The following HTT variants were observed in gnomAD, a reference collection of about 807,000 sequenced individuals.
The protein encoded by HTT is huntington disease protein.
A neutral mutation model predicts 362.3 loss-of-function variants in HTT; 104 were observed. The ratio of observed to expected loss-of-function variants is 0.29; its 90% CI spans 0.24 to 0.34. The LOEUF (loss-of-function observed/expected upper bound fraction) is 0.34. Ranked by LOEUF, HTT falls within the 10% of genes least tolerant of loss-of-function variation. The pLI is 1.00. For synonymous variants in HTT, 1,577 were observed against 1,548.7 expected (o/e 1.02, Z -0.43); for missense variants, 3,301 against 3,928.6 (o/e 0.84, Z 4.27).
chr4:3,228,108 T>C lies in HTT; in HGVS notation c.7849-507T>C, dbSNP rs1371842508. Among the ~76,000 whole-genome samples, 6 of 152,134 alleles carry C rather than the reference T, an allele frequency of 3.9e-5. No individual in the cohort carries two copies. The highest frequency in any genetic ancestry group is 1.3e-4 in the Admixed American group (2 of 15,284). On this transcript the variant is annotated intron_variant, in intron 57 of 66. Coordinates refer to ENST00000355072, the MANE Select transcript of HTT (RefSeq NM_001388492.1). The surrounding 1 kb of genome is among the most constrained non-coding windows in gnomAD (Gnocchi z 4.3). ...ACACAGCCCACAGCACTGTGCCAAG[T>C]GCTCGAGGCTTCCCGAGAACCAGGC...
intron 26 of HTT, among the ~76,000 whole-genome samples, chr4:3,153,166 C>A (rs1198823898): frequency 6.6e-6 from 1 of 152,086 alleles, no homozygotes; most frequent in Non-Finnish European, 1.5e-5. Context: ...GCCTTGCCCT[C>A]ATGTGGTGAG....
At chr4:3,151,827 G>A (rs1314477610) in intron 26 of HTT, among the ~76,000 whole-genome samples, 1 of 152,154 alleles carries the variant, frequency 6.6e-6, no homozygotes, top group African/African-American at 2.4e-5. Context: ...ATGTACATAT[G>A]CATACTTTAT....
chr4:3,215,220 C>T lies in HTT; in HGVS notation c.7054+9C>T. On this transcript the variant is annotated intron_variant, in intron 51 of 66. Coordinates refer to ENST00000355072, the MANE Select transcript of HTT (RefSeq NM_001388492.1). ...AGATCCAAACACACAGAGTAAGTCT[C>T]AGGACCCATTTTTTTCTTACATGTT... 1.2e-6 allele frequency: 2 copies of T among 1,602,094 alleles called. No homozygotes were observed. The highest frequency in any genetic ancestry group is 1.7e-6 in the Non-Finnish European group (2 of 1,170,166).
rs373168163 is a variant in HTT, at chr4:3,131,061, C to T, written c.1987-225C>T. 4.9e-4 allele frequency among the ~76,000 whole-genome samples: 74 copies of T among 152,128 alleles called. 1 individual carries two copies. The South Asian group carries it at 0.013, about 27-fold the overall frequency. On this transcript the variant is annotated intron_variant, in intron 14 of 66. Transcript: ENST00000355072. ...CACCCTCCCTGCATGCTGCATTTAT[C>T]CCCTGCCACAGCCCTGTGACCCTGT...
At position 3,236,234 on chromosome 4, in the gene HTT, G is replaced by T; in HGVS notation, c.8871G>T (p.Arg2957=). The T allele has an allele frequency of 6.2e-7, 1 of 1,613,410 alleles. No homozygotes were observed. The highest frequency in any genetic ancestry group is 8.5e-7 in the Non-Finnish European group (1 of 1,179,300). The stretch of plus-strand genomic sequence containing the variant: ...AGTCAGTGATTGTTGCTATGGAGCG[G>T]GTATCTGTTCTTTTTGATAGGTAAG... ...DSESVIVAME[R]VSVLFDRIRK... Residue 2957 remains arginine (R), a synonymous_variant, in exon 64 of 67, where the codon CGG becomes CGT. Transcript: ENST00000355072.
chr4:3,229,643 G>GCA (rs957485244), intron 59 of HTT, among the ~76,000 whole-genome samples: 3 of 148,958 alleles, frequency 2.0e-5, no homozygotes, highest in Non-Finnish European at 4.5e-5. Context: ...CACCACATGC[G>GCA]CACACACACA....
At chr4:3,193,885 G>C (rs1719130130) in intron 40 of HTT, among the ~76,000 whole-genome samples, 1 of 152,118 alleles carries the variant, frequency 6.6e-6, no homozygotes, top group African/African-American at 2.4e-5. Context: ...GTTTCCTGCT[G>C]GTATCTTTTG....
At chr4:3,140,720 A>C (rs1716303660) in intron 22 of HTT, 64 bp downstream of exon 22, 9 of 1,470,626 alleles carry the variant, frequency 6.1e-6, no homozygotes, top group Admixed American at 1.9e-5. Flanking sequence ...GCCTTTCTTT[A>C]GGCTTTAATT....
At chr4:3,223,698 G>A in intron 55 of HTT, 138 bp downstream of exon 55, 1 of 825,766 alleles carries the variant, frequency 1.2e-6, no homozygotes, top group Non-Finnish European at 1.9e-6. Flanking sequence ...TGTGGCCTGT[G>A]CAGGAGATGC....
chr4:3,169,883 T>C (rs755094878), intron 29 of HTT, among the ~76,000 whole-genome samples: 1 of 152,256 alleles, frequency 6.6e-6, no homozygotes, highest in Non-Finnish European at 1.5e-5. Context: ...CCCTGTTCAG[T>C]GTATATCACT....
In HTT at chr4:3,239,927, C is replaced by G; in HGVS notation, c.9297C>G (p.Tyr3099Ter). 6.3e-7 allele frequency: 1 copy of G among 1,580,036 alleles called. No individual in the cohort carries two copies. Among genetic ancestry groups the G allele is most frequent in the Non-Finnish European group, 8.6e-7 (1 of 1,161,796 alleles). ...NLFCLVATDF[Y>*]RHQIEEELDR... ...TCTGCCTGGTCGCCACAGACTTCTACAGACACCAGATAGAGGAGGAGCTCG... is the reference window on the plus strand; with the variant it reads ...TCTGCCTGGTCGCCACAGACTTCTAGAGACACCAGATAGAGGAGGAGCTCG... The change falls in exon 67 of 67, where the codon TAC (tyrosine) becomes TAG (stop). Residue 3099 changes from tyrosine to a stop codon, truncating the protein, a stop_gained. Coordinates refer to ENST00000355072, the MANE Select transcript of HTT (RefSeq NM_001388492.1). LOFTEE classifies it high-confidence loss of function.
chr4:3,134,632 C>A, intron 19 of HTT, 92 bp downstream of exon 19: 1 of 1,156,890 alleles, frequency 8.6e-7, no homozygotes, highest in Admixed American at 2.1e-5. Context: ...ATCAAGTACC[C>A]TGTCCATCAG....
At position 3,236,164 on chromosome 4, in the gene HTT, G is replaced by T. The variant is rs1322405871; in HGVS notation, c.8801G>T (p.Ser2934Ile). 1.9e-6 allele frequency: 3 copies of T among 1,613,842 alleles called. No individual in the cohort carries two copies. Among genetic ancestry groups the T allele is most frequent in the Non-Finnish European group, 1.7e-6 (2 of 1,179,670 alleles). The change falls in exon 64 of 67, where the codon AGT becomes ATT. Residue 2934 changes from serine (S) to isoleucine (I), a missense_variant. Around this residue, in one of 4 missense-constraint regions of HTT, gnomAD observed 753 missense variants for 1,021.3 expected, o/e 0.74. Coordinates refer to ENST00000355072, the MANE Select transcript of HTT (RefSeq NM_001388492.1). ...TCMYTGKEKV[S>I]PGRTSDPNPA... ...TTTGTTACAGGAAAGGAGAAAGTCA[G>T]TCCGGGTAGAACTTCAGACCCTAAT...
chr4:3,195,441 T>C lies in HTT; in HGVS notation c.5369-4291T>C, dbSNP rs142809472. 1.7e-3 allele frequency among the ~76,000 whole-genome samples: 258 copies of C among 152,198 alleles called. 2 individuals are homozygous for C. Among genetic ancestry groups the C allele is most frequent in the Admixed American group, 2.9e-3 (44 of 15,284 alleles). ...GCCCGCCTCCTTTCCTGCACTGCCA[T>C]CGTGGTCTCCGGGCACTTGGTCCCT... On this transcript the variant is annotated intron_variant, in intron 40 of 66. Transcript: ENST00000355072.
chr4:3,109,634 G>A (rs1714632298), intron 6 of HTT, among the ~76,000 whole-genome samples: 1 of 151,484 alleles, frequency 6.6e-6, no homozygotes, highest in African/African-American at 2.4e-5. Flanking sequence ...ACGTTATTAT[G>A]CCTAAGTAAA....
chr4:3,143,750 T>A (rs1005596152), intron 23 of HTT, among the ~76,000 whole-genome samples: 2 of 151,762 alleles, frequency 1.3e-5, no homozygotes, highest in Non-Finnish European at 2.9e-5. Context: ...ATTACAGGCA[T>A]GCACCACCAT....
intron 40 of HTT, among the ~76,000 whole-genome samples, chr4:3,189,611 G>A (rs1718922974): frequency 6.6e-6 from 1 of 152,256 alleles, no homozygotes; most frequent in Non-Finnish European, 1.5e-5. Flanking sequence ...GTGGTTGCCA[G>A]GGGCTGCAGG....
At position 3,238,514 on chromosome 4, in the gene HTT, T is replaced by C; in HGVS notation, c.8959T>C (p.Phe2987Leu). 1.2e-6 allele frequency: 2 copies of C among 1,613,470 alleles called. No individual in the cohort carries two copies. Among genetic ancestry groups the C allele is most frequent in the Non-Finnish European group, 1.7e-6 (2 of 1,179,686 alleles). ...ARILPQFLDD[F>L]FPPQDIMNKV... ...GATCCTGCCCCAGTTTCTAGACGAC[T>C]TCTTCCCACCCCAGGACATCATGAA... is the stretch of plus-strand genomic sequence containing the variant. The change falls in exon 65 of 67, where the codon TTC (phenylalanine) becomes CTC (leucine). Residue 2987 changes from phenylalanine to leucine, a missense_variant. By Grantham distance (22) the Phe-to-Leu change is conservative. Transcript: ENST00000355072.
chr4:3,224,223 C>A, intron 56 of HTT, 92 bp downstream of exon 56: 1 of 1,368,904 alleles, frequency 7.3e-7, no homozygotes, highest in Non-Finnish European at 1.0e-6. Flanking sequence ...TGCGGGAAGA[C>A]CTGAGTGTGG....
Sources: allele counts gnomAD v4.1 joint callset (sites outside exome capture counted in the v4.1 genomes callset), GRCh38; gene constraint gnomAD v4.1.1; regional missense constraint gnomAD v4.1.1; non-coding constraint Gnocchi (gnomAD v3.1); transcripts MANE v1.5; gene names NCBI Gene and HGNC (gene_info 2026-07-23, HGNC 2026-07-21).